CLEC4M: variants seen among roughly 807,000 people sequenced by gnomAD.
The protein encoded by CLEC4M is CD209 antigen-like protein 1.
Under a neutral mutation model 39.1 loss-of-function variants are expected in CLEC4M, and 25 were observed. That is an observed-to-expected ratio of 0.64 (90% confidence interval 0.47 to 0.89). CLEC4M has a LOEUF of 0.89. Ranked by LOEUF, CLEC4M falls within the 40% of genes least tolerant of loss-of-function variation. The pLI is 0.00. For synonymous variants in CLEC4M, 155 were observed against 177.4 expected (o/e 0.87, Z 1.00); for missense variants, 353 against 431.4 (o/e 0.82, Z 1.61).
intron 6 of CLEC4M, 177 bp from the exon 7 acceptor site, chr19:7,768,661 G>C (rs2034386297): frequency 1.7e-6 from 1 of 592,894 alleles, no homozygotes; most frequent in Non-Finnish European, 2.8e-6. Context: ...CTGGGATGCA[G>C]CAAGAGAGGC....
intron 5 of CLEC4M, 65 bp downstream of exon 5, chr19:7,766,872 G>C (rs2034302014): frequency 6.2e-7 from 1 of 1,608,794 alleles, no homozygotes. Context: ...GGGAGGAGGT[G>C]CTCAGAGAGG....
chr19:7,767,661 G>T, intron 6 of CLEC4M, 33 bp downstream of exon 6: 1 of 1,585,708 alleles, frequency 6.3e-7, no homozygotes, highest in Non-Finnish European at 8.7e-7. Context: ...ACTGTATCCA[G>T]TCGGGCTGGG....
chr19:7,765,624 T>C lies in CLEC4M; in HGVS notation c.215-14T>C, dbSNP rs376211903. On this transcript the variant is annotated splice_polypyrimidine_tract_variant and intron_variant, in intron 3 of 6. Coordinates refer to ENST00000327325, the MANE Select transcript of CLEC4M (RefSeq NM_014257.5). ...GGTGTTTAATAATTGCAGTTCCTTT[T>C]CTTCTTGGCCCAGTGTCCAAGGTCC... The C allele has an allele frequency of 6.2e-6, 10 of 1,613,628 alleles. No homozygotes were observed.
In CLEC4M at chr19:7,763,485, G is replaced by C; in HGVS notation, c.130+9G>C. The C allele has an allele frequency of 2.5e-6, 4 of 1,611,954 alleles. No homozygotes were observed. The highest frequency in any genetic ancestry group is 2.5e-6 in the Non-Finnish European group (3 of 1,178,192). ...CCACAAGAGCTCTACAGGTAGGCAA[G>C]AGTTAGGGAGCAGATAGTGGAAGAC... On this transcript the variant is annotated intron_variant, in intron 2 of 6. Transcript: ENST00000327325.
rs531784672 is a variant in CLEC4M, at chr19:7,769,400, G to A, written c.*412G>A. On this transcript the variant is annotated 3_prime_UTR_variant, in exon 7 of 7. Transcript: ENST00000327325. Reference sequence around the variant, plus strand: ...ACACCCCGTGCACCCTTTTGACTGGGGACTTGCTGGTTGAAGGAGCTCATC... The same window carrying A: ...ACACCCCGTGCACCCTTTTGACTGGAGACTTGCTGGTTGAAGGAGCTCATC... The A allele has an allele frequency of 1.3e-5, 2 of 158,578 alleles. No homozygotes were observed. Among genetic ancestry groups the A allele is most frequent in the Admixed American group, 6.1e-5 (1 of 16,500 alleles). The allele number at this position is 158,578 out of a possible 1,614,324, so 9.8% of individuals were successfully genotyped here.
chr19:7,767,535 C>A lies in CLEC4M; in HGVS notation c.956C>A (p.Thr319Asn), dbSNP rs1285047216. ...CTCCAGAACTTCCTACAGCTGCAGA[C>A]TTCCAGGAGTAACCGCTTCTCCTGG... ...AEEQNFLQLQ[T>N]SRSNRFSWMG... is the part of the protein sequence containing the mutation. Residue 319 changes from threonine to asparagine, a missense_variant, in exon 6 of 7, where the codon ACT becomes AAT. Around this residue, in one of 4 missense-constraint regions of CLEC4M, gnomAD observed 196 missense variants for 211.7 expected, o/e 0.93. Transcript: ENST00000327325. The A allele has an allele frequency of 3.1e-6, 5 of 1,614,086 alleles. No homozygotes were observed. Among genetic ancestry groups the A allele is most frequent in the Non-Finnish European group, 4.2e-6 (5 of 1,180,014 alleles).
At chr19:7,764,660 T>G (rs1470555788) in intron 2 of CLEC4M, among the ~76,000 whole-genome samples, 2 of 151,616 alleles carry the variant, frequency 1.3e-5, no homozygotes, top group African/African-American at 4.8e-5. Context: ...CCCGGCTAAT[T>G]TTTTGTATTT....
intron 4 of CLEC4M, 117 bp downstream of exon 4, chr19:7,766,324 C>T (rs1204980939): frequency 1.3e-5 from 20 of 1,522,462 alleles, no homozygotes; most frequent in Admixed American, 6.1e-5. Context: ...AATGAGAACA[C>T]GGGGTAACTG....
At chr19:7,765,487 T>C in intron 3 of CLEC4M, 151 bp from the exon 4 acceptor site, 1 of 1,348,246 alleles carries the variant, frequency 7.4e-7, no homozygotes, top group African/African-American at 1.5e-5. Context: ...TGGCCTTCTG[T>C]GCTGCCTTCT....
chr19:7,767,719 C>T, intron 6 of CLEC4M, 91 bp downstream of exon 6: 1 of 1,090,332 alleles, frequency 9.2e-7, no homozygotes. Flanking sequence ...CCCCCAACCT[C>T]CCTGACCCCA....
At chr19:7,765,485 T>G in intron 3 of CLEC4M, 153 bp from the exon 4 acceptor site, 1 of 1,338,128 alleles carries the variant, frequency 7.5e-7, no homozygotes. Flanking sequence ...CTTGGCCTTC[T>G]GTGCTGCCTT....
chr19:7,769,103 C>G lies in CLEC4M; in HGVS notation c.*115C>G. On this transcript the variant is annotated 3_prime_UTR_variant, in exon 7 of 7. Coordinates refer to ENST00000327325, the MANE Select transcript of CLEC4M (RefSeq NM_014257.5). ...TTCACAAATGCCCTGAGACGGTTCT[C>G]TGTTCGATTTTTCATCCCCTATGAA... 2 of 1,090,882 alleles carry G rather than the reference C, an allele frequency of 1.8e-6. No individual in the cohort carries two copies. The highest frequency in any genetic ancestry group is 2.6e-6 in the Non-Finnish European group (2 of 763,426). 67.6% of individuals were successfully genotyped at this position (1,090,882 alleles called of 1,614,324 possible). A position where few individuals can be genotyped will look rare whatever the true frequency, so the allele number is the denominator to read the frequency against.
chr19:7,767,501 T>C lies in CLEC4M; in HGVS notation c.937-15T>C, dbSNP rs779690209. 3.1e-5 allele frequency: 50 copies of C among 1,603,864 alleles called. 1 individual carries two copies. The South Asian group carries it at 5.5e-4, about 18-fold the overall frequency. Reference sequence around the variant, plus strand: ...GGAAGCAGAGCTCCCTCCTGACTCCTCCTCTACCCTCCAGAACTTCCTACA... The same window carrying C: ...GGAAGCAGAGCTCCCTCCTGACTCCCCCTCTACCCTCCAGAACTTCCTACA... On this transcript the variant is annotated splice_polypyrimidine_tract_variant and intron_variant, in intron 5 of 6. Transcript: ENST00000327325.
At position 7,769,180 on chromosome 19, in the gene CLEC4M, CT is replaced by C; in HGVS notation, c.*194del. The C allele has an allele frequency of 1.8e-6, 1 of 545,192 alleles. No homozygotes were observed. The highest frequency in any genetic ancestry group is 3.2e-6 in the Non-Finnish European group (1 of 308,548). 33.8% of individuals were successfully genotyped at this position (545,192 alleles called of 1,614,324 possible). On this transcript the variant is annotated 3_prime_UTR_variant, in exon 7 of 7. Coordinates refer to ENST00000327325, the MANE Select transcript of CLEC4M (RefSeq NM_014257.5). ...GCCTCCAAGTTTCCCTGGTGTAGAG[CT>C]TGTGTTCTTGGCCCATCCTTGGAGC...
At chr19:7,767,100 A>G (rs986046251) in intron 5 of CLEC4M, 18 of 490,210 alleles carry the variant, frequency 3.7e-5, no homozygotes, top group Admixed American at 1.3e-4. Flanking sequence ...GTGTTTGCCA[A>G]TTTCCCCAGT....
chr19:7,767,865 A>C (rs2034348682), intron 6 of CLEC4M: 2 of 470,658 alleles, frequency 4.2e-6, no homozygotes, highest in South Asian at 5.6e-5. Context: ...GTGTGTTAAA[A>C]TACAGTGTAT....
chr19:7,764,502 T>A (rs2335527), intron 2 of CLEC4M, among the ~76,000 whole-genome samples: 97,416 of 151,502 alleles, frequency 0.64, 32,054 homozygotes, highest in Non-Finnish European at 0.7. Flanking sequence ...TTATTTATTT[T>A]TTTTGAGACA....
Position 7,763,355 on chromosome 19 carries a change from G to T in CLEC4M, c.47-38G>T. 1.9e-6 allele frequency: 3 copies of T among 1,612,490 alleles called. No individual in the cohort carries two copies. Among genetic ancestry groups the T allele is most frequent in the South Asian group, 2.2e-5 (2 of 90,866 alleles). ...CTCTGGGATCCTGGGTAAGGGGAAG[G>T]GATGGCCCAGGCTCTGAGCTGATGT... On this transcript the variant is annotated intron_variant, in intron 1 of 6. Coordinates refer to ENST00000327325, the MANE Select transcript of CLEC4M (RefSeq NM_014257.5).
rs182914931 is a variant in CLEC4M, at chr19:7,766,492, G to T, written c.785-164G>T. ...TGGGTTCTCCTGGGGATCAGGGAGA[G>T]TCTTGGGAAGTAGGGAGAGGAATGG... On this transcript the variant is annotated intron_variant, in intron 4 of 6. Coordinates refer to ENST00000327325, the MANE Select transcript of CLEC4M (RefSeq NM_014257.5). The T allele has an allele frequency of 1.6e-4, 243 of 1,476,190 alleles. No individual in the cohort carries two copies. The African/African-American group carries it at 2.0e-3, about 12-fold the overall frequency. The allele number at this position is 1,476,190 out of a possible 1,614,324, so 91.4% of individuals were successfully genotyped here. A position where few individuals can be genotyped will look rare whatever the true frequency, so the allele number is the denominator to read the frequency against.
Sources: allele counts gnomAD v4.1 joint callset (sites outside exome capture counted in the v4.1 genomes callset), GRCh38; gene constraint gnomAD v4.1.1; regional missense constraint gnomAD v4.1.1; transcripts MANE v1.5; gene names NCBI Gene and HGNC (gene_info 2026-07-23, HGNC 2026-07-21).